FAM135B: variants seen among roughly 807,000 people sequenced by gnomAD.
The protein encoded by FAM135B is protein FAM135B.
FAM135B carries 43 observed loss-of-function variants against 127.7 expected under a neutral mutation model. The observed-to-expected ratio is 0.34, with a 90% CI of 0.26 to 0.43. FAM135B has a LOEUF of 0.43. Among genes scored for constraint, FAM135B ranks in the 20% least tolerant of loss-of-function variants. FAM135B has a pLI of 1.00. For missense variants in FAM135B, 1,558 were observed against 1,725.6 expected (o/e 0.90, Z 1.72); for synonymous variants, 670 against 665.1 (o/e 1.01, Z -0.11).
intron 4 of FAM135B, among the ~76,000 whole-genome samples, chr8:138,264,788 C>T (rs1051514209): frequency 2.6e-5 from 4 of 152,006 alleles, no homozygotes; most frequent in Non-Finnish European, 5.9e-5. Context: ...GGACAAAAAG[C>T]CAAGAAGCCT....
In FAM135B at chr8:138,305,359, A is replaced by T. The variant is rs189515767; in HGVS notation, c.157+5482T>A. 7.0e-4 allele frequency among the ~76,000 whole-genome samples: 107 copies of T among 152,342 alleles called. 1 individual carries two copies. Among genetic ancestry groups the T allele is most frequent in the African/African-American group, 2.5e-3 (104 of 41,578 alleles). Reference sequence around the variant, plus strand: ...ACTTGAACAGACCCCGCTCCCAAGCATGATTCAACTGATCAGCCCCCTAAG... The same window carrying T: ...ACTTGAACAGACCCCGCTCCCAAGCTTGATTCAACTGATCAGCCCCCTAAG... On this transcript the variant is annotated intron_variant, in intron 3 of 19. Transcript: ENST00000395297.
At chr8:138,244,521 G>C (rs1821133121) in intron 6 of FAM135B, among the ~76,000 whole-genome samples, 1 of 152,204 alleles carries the variant, frequency 6.6e-6, no homozygotes, top group Non-Finnish European at 1.5e-5. Context: ...GCAGCTTCCA[G>C]TACAGTGTCT....
At chr8:138,398,967 A>G (rs1296193310) in intron 1 of FAM135B, among the ~76,000 whole-genome samples, 3 of 152,204 alleles carry the variant, frequency 2.0e-5, no homozygotes, top group East Asian at 1.9e-4. Context: ...AATCCAGACC[A>G]TTAGGATTCT....
At chr8:138,367,533 G>C (rs1353634151) in intron 2 of FAM135B, 1 of 444,252 alleles carries the variant, frequency 2.3e-6, no homozygotes, top group East Asian at 6.4e-5. Context: ...GTAATGGCCT[G>C]CATCAGCATC....
rs564866060 is a variant in FAM135B, at chr8:138,400,704, C to A, written c.-19-32702G>T. On this transcript the variant is annotated intron_variant, in intron 1 of 19. Coordinates refer to ENST00000395297, the MANE Select transcript of FAM135B (RefSeq NM_015912.4). ...CCAAGACAGGGAATGTGCTACCTTT[C>A]AAGGCTGCCAGAGCCATTTCCTCCT... Among the ~76,000 whole-genome samples the A allele has an allele frequency of 3.3e-5, 5 of 152,270 alleles. No individual in the cohort carries two copies. The East Asian group carries it at 7.7e-4, about 24-fold the overall frequency.
At chr8:138,267,488 A>G (rs943762352) in intron 3 of FAM135B, among the ~76,000 whole-genome samples, 2 of 152,024 alleles carry the variant, frequency 1.3e-5, no homozygotes, top group African/African-American at 4.8e-5. Context: ...GTGAAAGAAT[A>G]AAATGCATCT....
At chr8:138,390,266 G>A (rs762685225) in intron 1 of FAM135B, among the ~76,000 whole-genome samples, 2 of 152,156 alleles carry the variant, frequency 1.3e-5, no homozygotes, top group Non-Finnish European at 2.9e-5. Context: ...GGAGGGAACT[G>A]GTGGGAGGTT....
chr8:138,146,348 C>A (rs1005125475), intron 14 of FAM135B, among the ~76,000 whole-genome samples: 1 of 152,118 alleles, frequency 6.6e-6, no homozygotes, highest in Admixed American at 6.5e-5. Flanking sequence ...GGAGATACAC[C>A]ACCTCCCCTT....
intron 9 of FAM135B, among the ~76,000 whole-genome samples, chr8:138,188,043 C>A (rs1174792007): frequency 6.6e-6 from 1 of 151,958 alleles, no homozygotes; most frequent in Non-Finnish European, 1.5e-5. Context: ...GGACACTCAC[C>A]TGCTAGGAGG....
chr8:138,184,310 A>G (rs2131028870), intron 9 of FAM135B, among the ~76,000 whole-genome samples: 1 of 152,324 alleles, frequency 6.6e-6, no homozygotes, highest in Admixed American at 6.5e-5. Flanking sequence ...CTTCCATCCT[A>G]AGCAATCAGG....
intron 3 of FAM135B, among the ~76,000 whole-genome samples, chr8:138,269,873 G>A (rs554744584): frequency 2.0e-5 from 3 of 152,278 alleles, no homozygotes; most frequent in East Asian, 1.9e-4. Flanking sequence ...AGATGACAAC[G>A]ATTAAGACTC....
At chr8:138,178,336 G>T (rs1285414420) in intron 10 of FAM135B, among the ~76,000 whole-genome samples, 199 bp downstream of exon 10, 1 of 152,120 alleles carries the variant, frequency 6.6e-6, no homozygotes. Flanking sequence ...AGATTGCCAA[G>T]GCAAGTATTC....
intron 1 of FAM135B, among the ~76,000 whole-genome samples, chr8:138,432,759 T>A (rs1835267305): frequency 6.6e-6 from 1 of 152,100 alleles, no homozygotes; most frequent in Non-Finnish European, 1.5e-5. Flanking sequence ...GATACACATG[T>A]ACCATGACAT....
intron 1 of FAM135B, among the ~76,000 whole-genome samples, chr8:138,492,605 C>G (rs1256875977): frequency 2.0e-5 from 3 of 152,130 alleles, no homozygotes; most frequent in South Asian, 2.1e-4. Context: ...ATCTCCCAAG[C>G]CTCAACGGAC....
At chr8:138,228,570 C>T (rs968986951) in intron 7 of FAM135B, among the ~76,000 whole-genome samples, 1 of 152,008 alleles carries the variant, frequency 6.6e-6, no homozygotes, top group African/African-American at 2.4e-5. Flanking sequence ...TGGTGGGGAG[C>T]GGACCTGTGT....
chr8:138,338,350 AATCTACTC>A (rs1425119241), intron 2 of FAM135B, among the ~76,000 whole-genome samples: 2 of 152,074 alleles, frequency 1.3e-5, no homozygotes, highest in Non-Finnish European at 2.9e-5. Context: ...AAATTTTTGC[AATCTACTC>A]ATCTGACAAA....
chr8:138,165,348 G>T (rs1392368295), intron 12 of FAM135B, among the ~76,000 whole-genome samples: 2 of 151,868 alleles, frequency 1.3e-5, no homozygotes, highest in Non-Finnish European at 2.9e-5. Flanking sequence ...TCGAACTCCC[G>T]ACCTCAGGTG....
intron 2 of FAM135B, among the ~76,000 whole-genome samples, chr8:138,321,303 C>G (rs1018427159): frequency 6.6e-6 from 1 of 152,146 alleles, no homozygotes; most frequent in Non-Finnish European, 1.5e-5. Context: ...CACAGCCTCC[C>G]ACTTCCATGA....
chr8:138,159,377 G>A (rs11166788), intron 12 of FAM135B, among the ~76,000 whole-genome samples: 101,241 of 147,082 alleles, frequency 0.69, 34,925 homozygotes, highest in East Asian at 0.76. Flanking sequence ...ATGATAGACT[G>A]GATGAAGAAA....
Sources: gnomAD v4.1 joint callset for allele counts (sites outside exome capture counted in the v4.1 genomes callset) on GRCh38, gnomAD v4.1.1 for gene constraint, MANE v1.5 for transcripts, NCBI Gene and HGNC (gene_info 2026-07-23, HGNC 2026-07-21) for gene names.